The following FUT9 variants were observed in gnomAD, a reference collection of about 807,000 sequenced individuals.
FUT9 encodes 4-galactosyl-N-acetylglucosaminide 3-alpha-L-fucosyltransferase 9.
In FUT9, 15 loss-of-function variants were observed where a neutral mutation model predicts 29.7. That is an observed-to-expected ratio of 0.51 (90% confidence interval 0.34 to 0.78). The LOEUF is 0.78. FUT9 is among the 30% of genes least tolerant of loss of function. The pLI is 0.01. For missense variants in FUT9, 319 were observed against 425.4 expected, an observed-to-expected ratio of 0.75 and a Z score of 2.20; for synonymous variants, 169 against 153.7, an observed-to-expected ratio of 1.10 and a Z score of -0.74.
chr6:96,168,331 G>C (rs1051790718), intron 2 of FUT9, among the ~76,000 whole-genome samples: 6 of 152,084 alleles, frequency 3.9e-5, no homozygotes, highest in African/African-American at 1.4e-4. Flanking sequence ...AACAAAATTG[G>C]GTGTGTGAAC....
At chr6:96,150,691 A>G (rs934266501) in intron 2 of FUT9, among the ~76,000 whole-genome samples, 3 of 152,218 alleles carry the variant, frequency 2.0e-5, no homozygotes, top group Admixed American at 2.0e-4. Context: ...TCCACGTGCC[A>G]CTAAAAATTG....
At chr6:96,090,390 A>T (rs922609777) in intron 1 of FUT9, among the ~76,000 whole-genome samples, 3 of 152,048 alleles carry the variant, frequency 2.0e-5, no homozygotes, top group Non-Finnish European at 4.4e-5. Context: ...TAGTTAAAAC[A>T]ATACTTATAG....
At chr6:96,154,302 T>C (rs1052081953) in intron 2 of FUT9, among the ~76,000 whole-genome samples, 1 of 152,214 alleles carries the variant, frequency 6.6e-6, no homozygotes, top group Non-Finnish European at 1.5e-5. Context: ...TTAGTTCTTC[T>C]TATTCCCTTT....
intron 1 of FUT9, among the ~76,000 whole-genome samples, chr6:96,112,792 C>G (rs922372021): frequency 1.3e-5 from 2 of 152,136 alleles, no homozygotes; most frequent in Non-Finnish European, 2.9e-5. Context: ...ACGGGATAAG[C>G]TTATGTAACA....
At chr6:96,026,023 C>T (rs987978326) in intron 1 of FUT9, among the ~76,000 whole-genome samples, 1 of 151,692 alleles carries the variant, frequency 6.6e-6, no homozygotes, top group Non-Finnish European at 1.5e-5. Flanking sequence ...GAATGTCACC[C>T]CTTTATAATG....
rs1457691655 is a variant in FUT9 at position 96,043,420 on chromosome 6, T to C, written c.-98+27208T>C. On this transcript the variant is annotated intron_variant, in intron 1 of 2. Coordinates refer to ENST00000302103, the MANE Select transcript of FUT9 (RefSeq NM_006581.4). ...GTCAAATGACATTGTTTTTGTTAAG[T>C]TATAGTTACAATAGATGGCAGTCAT... is the stretch of plus-strand genomic sequence containing the variant. Among the ~76,000 whole-genome samples, 6 of 152,238 alleles carry C rather than the reference T, an allele frequency of 3.9e-5. No individual in the cohort carries two copies. In the East Asian group the frequency reaches 1.2e-3, roughly 29 times the overall value.
intron 2 of FUT9, among the ~76,000 whole-genome samples, chr6:96,183,458 G>T (rs984415364): frequency 2.6e-5 from 4 of 151,688 alleles, no homozygotes; most frequent in African/African-American, 7.3e-5. Context: ...TGTCTGATTG[G>T]TCTGAGACTT....
chr6:96,068,045 T>G (rs997869396), intron 1 of FUT9, among the ~76,000 whole-genome samples: 1 of 152,148 alleles, frequency 6.6e-6, no homozygotes, highest in Admixed American at 6.5e-5. Flanking sequence ...ATGCATTATC[T>G]GAATTAATGA....
intron 1 of FUT9, among the ~76,000 whole-genome samples, chr6:96,078,408 CTTTTTTTTTTTTTTTTT>C (rs71012536): frequency 9.1e-5 from 4 of 44,172 alleles, no homozygotes; most frequent in Non-Finnish European, 1.1e-4. Context: ...TATTAGTCTT[CTTTTTTTTTTTTTTTTT>C]TTTTTTTTTT....
intron 1 of FUT9, among the ~76,000 whole-genome samples, chr6:96,075,860 C>T (rs1562117247): frequency 2.6e-5 from 4 of 152,108 alleles, no homozygotes; most frequent in African/African-American, 9.7e-5. Context: ...AAAAGAATGA[C>T]ATTTCTTTTC....
intron 1 of FUT9, among the ~76,000 whole-genome samples, chr6:96,104,747 A>T (rs1381327639): frequency 1.6e-4 from 24 of 151,642 alleles, no homozygotes; most frequent in Non-Finnish European, 4.4e-5. Flanking sequence ...GCCCAGGCTG[A>T]TCTTGAATTC....
At chr6:96,092,283 G>T (rs1264753399) in intron 1 of FUT9, among the ~76,000 whole-genome samples, 1 of 152,062 alleles carries the variant, frequency 6.6e-6, no homozygotes, top group African/African-American at 2.4e-5. Flanking sequence ...AATACTGAGT[G>T]CACCAGTCAA....
At chr6:96,140,538 A>G (rs1772443385) in intron 2 of FUT9, among the ~76,000 whole-genome samples, 1 of 152,196 alleles carries the variant, frequency 6.6e-6, no homozygotes, top group African/African-American at 2.4e-5. Flanking sequence ...AATACCTGAG[A>G]CGGGGCAATT....
chr6:96,091,211 A>C (rs941600412), intron 1 of FUT9, among the ~76,000 whole-genome samples: 1 of 152,102 alleles, frequency 6.6e-6, no homozygotes, highest in African/African-American at 2.4e-5. Context: ...AAAACCAAAT[A>C]GTTCAAAGCG....
chr6:96,103,139 A>G (rs993453621), intron 1 of FUT9, among the ~76,000 whole-genome samples: 1 of 152,196 alleles, frequency 6.6e-6, no homozygotes, highest in Non-Finnish European at 1.5e-5. Flanking sequence ...AGACCAGTGC[A>G]TATTTCAACA....
chr6:96,188,710 G>GATATATATATATAT (rs57955007), intron 2 of FUT9, among the ~76,000 whole-genome samples: 19 of 146,356 alleles, frequency 1.3e-4, no homozygotes, highest in African/African-American at 4.7e-4. Context: ...TATATTATTT[G>GATATATATATATAT]ATATATATAT....
intron 1 of FUT9, among the ~76,000 whole-genome samples, chr6:96,088,208 G>A (rs975131946): frequency 1.3e-5 from 2 of 151,840 alleles, no homozygotes; most frequent in African/African-American, 4.8e-5. Flanking sequence ...CCTCCACGTT[G>A]TGCACATGTA....
intron 2 of FUT9, among the ~76,000 whole-genome samples, chr6:96,165,145 T>A (rs1772991089): frequency 1.3e-5 from 2 of 152,084 alleles, no homozygotes; most frequent in South Asian, 4.1e-4. Flanking sequence ...TAGAGTTGAC[T>A]CACAGGCTGG....
chr6:96,159,492 T>G (rs1018779017), intron 2 of FUT9, among the ~76,000 whole-genome samples: 9 of 152,294 alleles, frequency 5.9e-5, no homozygotes, highest in South Asian at 4.1e-4. Flanking sequence ...TTGGTAGACC[T>G]AGATGTCTGT....
Sources: gnomAD v4.1 joint callset for allele counts (sites outside exome capture counted in the v4.1 genomes callset) on GRCh38, gnomAD v4.1.1 for gene constraint, MANE v1.5 for transcripts, NCBI Gene and HGNC (gene_info 2026-07-23, HGNC 2026-07-21) for gene names.